The following NUP155 variants were observed in gnomAD, a reference collection of about 807,000 sequenced individuals.
NUP155 encodes nucleoporin 155, also known as nuclear pore complex protein Nup155.
NUP155 carries 71 observed loss-of-function variants against 180.4 expected under a neutral mutation model. That is an observed-to-expected ratio of 0.39 (90% CI 0.33 to 0.48). The LOEUF is 0.48. NUP155 is among the 20% of genes least tolerant of loss of function. The pLI is 0.91. For missense variants in NUP155, 1,553 were observed against 1,648.9 expected, an observed-to-expected ratio of 0.94 and a Z score of 1.01; for synonymous variants, 582 against 559.5, an observed-to-expected ratio of 1.04 and a Z score of -0.57.
At position 37,348,557 on chromosome 5, in the gene NUP155, C is replaced by T; in HGVS notation, c.943G>A (p.Val315Ile). 1.2e-6 allele frequency: 2 copies of T among 1,612,934 alleles called. No individual in the cohort carries two copies. Among genetic ancestry groups the T allele is most frequent in the Non-Finnish European group, 1.7e-6 (2 of 1,178,884 alleles). ...LGQDGQGMSR[V>I]ASVSQNAIVS... ...ATGGCATTCTGTGACACAGAGGCAACTCTGCTCATTCCTTGTCCATCTTGT... is the reference window on the plus strand; with the variant it reads ...ATGGCATTCTGTGACACAGAGGCAATTCTGCTCATTCCTTGTCCATCTTGT... Residue 315 changes from valine (V) to isoleucine (I), a missense_variant, in exon 9 of 35, where the codon GTT becomes ATT. Coordinates refer to ENST00000231498, the MANE Select transcript of NUP155 (RefSeq NM_153485.3).
intron 3 of NUP155, among the ~76,000 whole-genome samples, chr5:37,361,289 A>G (rs1433459556): frequency 6.8e-6 from 1 of 146,516 alleles, no homozygotes; most frequent in Non-Finnish European, 1.5e-5. Flanking sequence ...AAAAAAAGAC[A>G]ATGGCTGAAC....
chr5:37,314,211 G>C lies in NUP155; in HGVS notation c.2423C>G (p.Ala808Gly), dbSNP rs1445484787. The C allele has an allele frequency of 7.5e-6, 12 of 1,607,462 alleles. No individual in the cohort carries two copies. The highest frequency in any genetic ancestry group is 2.7e-5 in the African/African-American group (2 of 74,734). Residue 808 changes from alanine to glycine, a missense_variant, in exon 22 of 35, where the codon GCA becomes GGA. Physicochemically the swap from Ala to Gly is moderately conservative, Grantham distance 60 (BLOSUM62 0). Transcript: ENST00000231498. ...AAAAAAAATTACCTTCTGAAGTTCTGCCACAATGATAGTGAATTGATGTTC... is the reference window on the plus strand; with the variant it reads ...AAAAAAAATTACCTTCTGAAGTTCTCCCACAATGATAGTGAATTGATGTTC... ...LCEHQFTIIV[A>G]ELQKELQEQL...
chr5:37,350,188 G>A lies in NUP155; in HGVS notation c.801C>T (p.Ser267=), dbSNP rs200203279. Reference sequence around the variant, plus strand: ...CTTCTGAGAACGTGAATTGTAGCAAGGAAGGAACAAGGAAAGAAAGTGAGC... The same window carrying A: ...CTTCTGAGAACGTGAATTGTAGCAAAGAAGGAACAAGGAAAGAAAGTGAGC... The part of the protein sequence containing the change: ...SKSSLSFLVP[S]LLQFTFSEDD... Residue 267 remains serine, a synonymous_variant, in exon 7 of 35, where the codon TCC becomes TCT. Coordinates refer to ENST00000231498, the MANE Select transcript of NUP155 (RefSeq NM_153485.3). The A allele has an allele frequency of 5.0e-6, 8 of 1,613,778 alleles. No individual in the cohort carries two copies. The highest frequency in any genetic ancestry group is 6.8e-6 in the Non-Finnish European group (8 of 1,179,790).
chr5:37,293,513 C>G (rs1032842816), intron 33 of NUP155, among the ~76,000 whole-genome samples: 6 of 152,164 alleles, frequency 3.9e-5, no homozygotes, highest in Non-Finnish European at 8.8e-5. Context: ...TGTTGTAAAG[C>G]ACTGTGTGAT....
chr5:37,325,818 T>C (rs1454093051), intron 19 of NUP155, 83 bp downstream of exon 19: 1 of 776,232 alleles, frequency 1.3e-6, no homozygotes, highest in Non-Finnish European at 2.2e-6. Flanking sequence ...ATTTGTGTAA[T>C]ATCAGGAAAT....
At chr5:37,315,779 C>G (rs1743845909) in intron 21 of NUP155, among the ~76,000 whole-genome samples, 2 of 152,004 alleles carry the variant, frequency 1.3e-5, no homozygotes, top group South Asian at 4.1e-4. Context: ...CCCAACTATA[C>G]TAAAAATAAA....
chr5:37,306,463 G>C lies in NUP155; in HGVS notation c.2903+834C>G, dbSNP rs1743161079. ...CTCCATATATATATGTTATAGAAAG[G>C]TTATATATTTCTTCTTTGTTCCGAG... is the stretch of plus-strand genomic sequence containing the variant. On this transcript the variant is annotated intron_variant, in intron 25 of 34. Coordinates refer to ENST00000231498, the MANE Select transcript of NUP155 (RefSeq NM_153485.3). Among the ~76,000 whole-genome samples the C allele has an allele frequency of 2.0e-5, 3 of 151,936 alleles. No homozygotes were observed. The South Asian group carries it at 6.2e-4, about 32-fold the overall frequency.
rs1185027766 is a variant in NUP155, at chr5:37,366,885, C to T, written c.158-2501G>A. Among the ~76,000 whole-genome samples, 7 of 151,918 alleles carry T rather than the reference C, an allele frequency of 4.6e-5. No individual in the cohort carries two copies. The South Asian group carries it at 6.2e-4, about 14-fold the overall frequency. On this transcript the variant is annotated intron_variant, in intron 1 of 34. Transcript: ENST00000231498. ...CAGGATGGTCTCGATCTCCCGACCT[C>T]GTGATCTGCCCGCTTCGGCCTCCCA...
Position 37,303,289 on chromosome 5 carries a change from A to G in NUP155, c.3288T>C (p.Arg1096=), listed in dbSNP as rs1357223635. The G allele has an allele frequency of 1.2e-6, 2 of 1,614,180 alleles. No homozygotes were observed. The highest frequency in any genetic ancestry group is 1.7e-6 in the Non-Finnish European group (2 of 1,180,026). The change falls in exon 28 of 35, where the codon CGT becomes CGC. Residue 1096 remains arginine, a synonymous_variant. Coordinates refer to ENST00000231498, the MANE Select transcript of NUP155 (RefSeq NM_153485.3). Reference sequence around the variant, plus strand: ...GCATGTCAGCCAGTCTGGACAGTACACGAGCAGCATTACTGAAACTTCTGT... The same window carrying G: ...GCATGTCAGCCAGTCTGGACAGTACGCGAGCAGCATTACTGAAACTTCTGT... The part of the protein sequence containing the change: ...EKNRSFSNAA[R]VLSRLADMHS...
At chr5:37,370,558 G>A in intron 1 of NUP155, 3 of 964,204 alleles carry the variant, frequency 3.1e-6, no homozygotes, top group Non-Finnish European at 4.4e-6. Context: ...GCGGCGAGAA[G>A]CTCATTAAGG....
At chr5:37,302,702 C>G in intron 29 of NUP155, 77 bp downstream of exon 29, 1 of 1,468,930 alleles carries the variant, frequency 6.8e-7, no homozygotes, top group South Asian at 1.1e-5. Context: ...TATTACTTAC[C>G]AAGGGAAGAA....
chr5:37,299,619 A>G (rs1486484573), intron 30 of NUP155, 51 bp from the exon 31 acceptor site: 1 of 1,575,010 alleles, frequency 6.3e-7, no homozygotes, highest in Middle Eastern at 1.7e-4. Context: ...CAACATTCAG[A>G]GATTAATAGT....
chr5:37,328,696 G>T (rs1469861611), intron 16 of NUP155, among the ~76,000 whole-genome samples: 1 of 152,148 alleles, frequency 6.6e-6, no homozygotes, highest in Non-Finnish European at 1.5e-5. Context: ...GTAGAGACAT[G>T]GTTTCACCAT....
Position 37,303,346 on chromosome 5 carries a change from A to G in NUP155, c.3231T>C (p.Tyr1077=), listed in dbSNP as rs766631718. 2 of 1,614,080 alleles carry G rather than the reference A, an allele frequency of 1.2e-6. No homozygotes were observed. The highest frequency in any genetic ancestry group is 2.2e-5 in the South Asian group (2 of 91,084). ...MAKVDQNRVR[Y]MDLLWRYYEK... ...CGTAATACCGCCAGAGTAAATCCAT[A>G]TAACGAACTCTGTTTTGATCAACTT... The change falls in exon 28 of 35, where the codon TAT becomes TAC. Residue 1077 remains tyrosine (Y), a synonymous_variant. Transcript: ENST00000231498.
intron 6 of NUP155, among the ~76,000 whole-genome samples, chr5:37,350,819 TAAAAAA>T (rs57132136): frequency 1.0e-5 from 1 of 100,490 alleles, no homozygotes; most frequent in Non-Finnish European, 2.1e-5. Flanking sequence ...CCATCACATT[TAAAAAA>T]AAAAAAAAAA....
intron 30 of NUP155, chr5:37,301,028 T>A: frequency 5.0e-6 from 1 of 200,128 alleles, no homozygotes; most frequent in East Asian, 1.2e-4. Context: ...TTCCCCATGT[T>A]GACCAGGCTG....
Position 37,323,236 on chromosome 5 carries a change from G to A in NUP155, c.2207+756C>T, listed in dbSNP as rs182210580. ...GGAGGCGGAGGTTGCTGTGAGCCAA[G>A]TTGGAGCCTTCGTACTCCAGCACGG... On this transcript the variant is annotated intron_variant, in intron 20 of 34. Coordinates refer to ENST00000231498, the MANE Select transcript of NUP155 (RefSeq NM_153485.3). Among the ~76,000 whole-genome samples, 659 of 152,362 alleles carry A rather than the reference G, an allele frequency of 4.3e-3. 4 individuals carry two copies. Among genetic ancestry groups the A allele is most frequent in the Non-Finnish European group, 6.7e-3 (459 of 68,036 alleles).
At chr5:37,370,719 T>G in intron 1 of NUP155, 102 bp downstream of exon 1, 1 of 1,611,696 alleles carries the variant, frequency 6.2e-7, no homozygotes, top group East Asian at 2.2e-5. Context: ...GTGCCATAAA[T>G]CTCAGCATAT....
At chr5:37,360,445 A>G (rs1291982825) in intron 3 of NUP155, among the ~76,000 whole-genome samples, 2 of 151,902 alleles carry the variant, frequency 1.3e-5, no homozygotes, top group African/African-American at 4.8e-5. Context: ...AGATCTTGCC[A>G]CTGCACTCCA....
Sources: gnomAD v4.1 joint callset for allele counts (sites outside exome capture counted in the v4.1 genomes callset) on GRCh38, gnomAD v4.1.1 for gene constraint, MANE v1.5 for transcripts, NCBI Gene and HGNC (gene_info 2026-07-23, HGNC 2026-07-21) for gene names.